The following SMARCA2 variants were observed in gnomAD, a reference collection of about 807,000 sequenced individuals.
SMARCA2 encodes the protein SWI/SNF-related matrix-associated actin-dependent regulator of chromatin subfamily A member 2.
Under a neutral mutation model 199.8 loss-of-function variants are expected in SMARCA2, and 61 were observed. The observed-to-expected ratio is 0.31, with a 90% CI of 0.25 to 0.38. The LOEUF is 0.38. Among genes scored for constraint, SMARCA2 ranks in the 10% least tolerant of loss-of-function variants. The pLI is 1.00. For synonymous variants in SMARCA2, 935 were observed against 732.0 expected (o/e 1.28, Z -4.48); for missense variants, 1,344 against 2,012.2 (o/e 0.67, Z 6.35).
intron 33 of SMARCA2, chr9:2,191,766 A>G (rs536230510): frequency 6.1e-6 from 1 of 164,914 alleles, no homozygotes; most frequent in Non-Finnish European, 1.3e-5. Context: ...ATAACAGTAG[A>G]TTAGATGGAA....
chr9:2,162,591 G>A (rs376922563), intron 28 of SMARCA2, among the ~76,000 whole-genome samples: 1 of 152,160 alleles, frequency 6.6e-6, no homozygotes. Context: ...GTTAGGCTAC[G>A]TTTTGGTTAG....
intron 32 of SMARCA2, among the ~76,000 whole-genome samples, chr9:2,187,626 A>G (rs1453307709): frequency 1.3e-5 from 2 of 152,190 alleles, no homozygotes; most frequent in African/African-American, 4.8e-5. Flanking sequence ...GCAGTGAGCT[A>G]TGATCATACC....
rs1298603396 is a variant in SMARCA2, at chr9:2,181,734, C to T, written c.4359+58C>T. The stretch of plus-strand genomic sequence containing the variant: ...AGTAAATAAAGGAGCAGTGTAAAGT[C>T]ATTGAAATGGTTGTAGTTGGAGCTG... On this transcript the variant is annotated intron_variant, in intron 30 of 33. Coordinates refer to ENST00000349721, the MANE Select transcript of SMARCA2 (RefSeq NM_003070.5). 7 of 937,594 alleles carry T rather than the reference C, an allele frequency of 7.5e-6. No individual in the cohort carries two copies. The South Asian group carries it at 8.0e-5, about 11-fold the overall frequency. 58.1% of individuals were successfully genotyped at this position (937,594 alleles called of 1,614,324 possible). A position where few individuals can be genotyped will look rare whatever the true frequency, so the allele number is the denominator to read the frequency against.
In SMARCA2 at chr9:2,170,847, G is replaced by C. The variant is rs1034014019; in HGVS notation, c.4253+375G>C. ...TTTAACTCTGTGCTGTCTTGGTTTA[G>C]AAGCTTAATGCGAAGCACCTGTAGT... On this transcript the variant is annotated intron_variant, in intron 29 of 33. Coordinates refer to ENST00000349721, the MANE Select transcript of SMARCA2 (RefSeq NM_003070.5). The surrounding 1 kb of genome is among the most constrained non-coding windows in gnomAD (Gnocchi z 4.7). Among the ~76,000 whole-genome samples, 8 of 152,228 alleles carry C rather than the reference G, an allele frequency of 5.3e-5. No homozygotes were observed. Among genetic ancestry groups the C allele is most frequent in the Admixed American group, 4.6e-4 (7 of 15,290 alleles).
At chr9:2,025,574 A>G (rs1342584011) in intron 1 of SMARCA2, among the ~76,000 whole-genome samples, 1 of 151,888 alleles carries the variant, frequency 6.6e-6, no homozygotes, top group African/African-American at 2.4e-5. Flanking sequence ...CCCTATCTCT[A>G]TTGTCTCATT....
At chr9:2,126,196 C>T (rs10964879) in intron 27 of SMARCA2, among the ~76,000 whole-genome samples, 3,083 of 152,300 alleles carry the variant, frequency 0.02, 97 homozygotes, top group African/African-American at 0.063. Flanking sequence ...GTTTGTTTTA[C>T]AAAACTGCAC....
intron 29 of SMARCA2, among the ~76,000 whole-genome samples, chr9:2,176,986 C>CAATA: frequency 6.6e-6 from 1 of 152,228 alleles, no homozygotes; most frequent in East Asian, 1.9e-4. Flanking sequence ...TATCACCAAT[C>CAATA]AATACTCAAT....
intron 28 of SMARCA2, among the ~76,000 whole-genome samples, chr9:2,167,791 C>T (rs934861488): frequency 1.3e-5 from 2 of 152,120 alleles, no homozygotes; most frequent in Non-Finnish European, 2.9e-5. Context: ...CAGGACTGTA[C>T]TCTTGAATAT....
rs556493045 is a variant in SMARCA2, at chr9:2,147,177, A to C, written c.3982-14509A>C. ...GAGCAATAGGATACAGCTCATAACT[A>C]TTTAGAAAAAGTACAGAATCGAGCT... On this transcript the variant is annotated intron_variant, in intron 27 of 33. Transcript: ENST00000349721. 3.3e-5 allele frequency among the ~76,000 whole-genome samples: 5 copies of C among 150,426 alleles called. No individual in the cohort carries two copies. The East Asian group carries it at 9.9e-4, about 30-fold the overall frequency.
intron 9 of SMARCA2, 56 bp downstream of exon 9, chr9:2,061,042 T>A: frequency 6.6e-7 from 1 of 1,525,620 alleles, no homozygotes; most frequent in Non-Finnish European, 8.9e-7. Context: ...GGATAAGTTT[T>A]TAAGGCGAGT....
chr9:2,145,605 A>T (rs565701092), intron 27 of SMARCA2, among the ~76,000 whole-genome samples: 1 of 152,326 alleles, frequency 6.6e-6, no homozygotes, highest in Admixed American at 6.5e-5. Flanking sequence ...TTGATGCTAG[A>T]GTTTATCCTT....
Position 2,086,484 on chromosome 9 carries a change from T to A in SMARCA2, c.2527-345T>A, listed in dbSNP as rs1821808742. Reference sequence around the variant, plus strand: ...ATGACCATGAAATCTGGGATAGCTGTCATGATAACGTATTAATAGAAGGGG... The same window carrying A: ...ATGACCATGAAATCTGGGATAGCTGACATGATAACGTATTAATAGAAGGGG... On this transcript the variant is annotated intron_variant, in intron 17 of 33. Coordinates refer to ENST00000349721, the MANE Select transcript of SMARCA2 (RefSeq NM_003070.5). This position sits in a 1 kb window ranked among gnomAD's most constrained non-coding sequence, Gnocchi z 4.3. 6.6e-6 allele frequency among the ~76,000 whole-genome samples: 1 copy of A among 152,218 alleles called. No individual in the cohort carries two copies. Among genetic ancestry groups the A allele is most frequent in the Admixed American group, 6.5e-5 (1 of 15,286 alleles).
intron 22 of SMARCA2, 113 bp downstream of exon 22, chr9:2,101,729 G>A (rs890269553): frequency 1.5e-5 from 8 of 542,598 alleles, no homozygotes; most frequent in African/African-American, 1.4e-4. Context: ...CCCTCTAAGG[G>A]CTCTTCAGTG....
intron 9 of SMARCA2, among the ~76,000 whole-genome samples, chr9:2,067,540 G>C (rs896431995): frequency 2.0e-5 from 3 of 152,194 alleles, no homozygotes; most frequent in African/African-American, 7.2e-5. Flanking sequence ...TGTGACACTG[G>C]ATTGTACATG....
At chr9:2,156,432 T>G (rs1808066514) in intron 27 of SMARCA2, among the ~76,000 whole-genome samples, 1 of 138,474 alleles carries the variant, frequency 7.2e-6, no homozygotes, top group Admixed American at 7.3e-5. Context: ...TTTTTTTTTT[T>G]TTTTTTTTTT....
intron 10 of SMARCA2, chr9:2,072,124 T>C (rs1821115144): frequency 3.9e-5 from 6 of 152,228 alleles, no homozygotes; most frequent in Admixed American, 3.9e-4. Flanking sequence ...ATATAGAAGA[T>C]AAACGATAGC....
intron 1 of SMARCA2, among the ~76,000 whole-genome samples, chr9:2,024,974 A>T (rs540219507): frequency 2.6e-5 from 4 of 152,202 alleles, no homozygotes; most frequent in Non-Finnish European, 5.9e-5. Flanking sequence ...GGTTACAATT[A>T]GACTGTAAGA....
At position 2,177,249 on chromosome 9, in the gene SMARCA2, G is replaced by C. The variant is rs1022796213; in HGVS notation, c.4254-4322G>C. 2.6e-5 allele frequency among the ~76,000 whole-genome samples: 4 copies of C among 152,318 alleles called. No individual in the cohort carries two copies. The South Asian group carries it at 8.3e-4, about 32-fold the overall frequency. On this transcript the variant is annotated intron_variant, in intron 29 of 33. Coordinates refer to ENST00000349721, the MANE Select transcript of SMARCA2 (RefSeq NM_003070.5). ...CTTCCCAAACGACTTTGCTATGTTT[G>C]ATTCCTTTAGGATTGTGATAGCTTT...
At chr9:2,149,064 G>A (rs979063631) in intron 27 of SMARCA2, among the ~76,000 whole-genome samples, 4 of 151,052 alleles carry the variant, frequency 2.6e-5, no homozygotes, top group Admixed American at 1.3e-4. Context: ...GTATTAGTCT[G>A]TTTTCACACT....
Sources: gnomAD v4.1 joint callset for allele counts (sites outside exome capture counted in the v4.1 genomes callset) on GRCh38, gnomAD v4.1.1 for gene constraint, Gnocchi (gnomAD v3.1) non-coding constraint, MANE v1.5 for transcripts, NCBI Gene and HGNC (gene_info 2026-07-23, HGNC 2026-07-21) for gene names.